Variants in DCHS1 observed in about 807,000 individuals in gnomAD.
DCHS1 encodes dachsous cadherin-related 1, also known as protocadherin-16.
Under a neutral mutation model 213.9 loss-of-function variants are expected in DCHS1, and 78 were observed. The observed-to-expected ratio is 0.36, with a 90% confidence interval of 0.30 to 0.44. The LOEUF is 0.44. DCHS1 is among the 20% of genes least tolerant of loss of function. The pLI is 1.00. For synonymous variants in DCHS1, 1,828 were observed against 1,873.7 expected, an observed-to-expected ratio of 0.98 and a Z score of 0.63; for missense variants, 3,946 against 4,395.9, an observed-to-expected ratio of 0.90 and a Z score of 2.89.
chr11:6,623,962 C>T lies in DCHS1; in HGVS notation c.7714G>A (p.Val2572Met). Residue 2572 changes from valine to methionine, a missense_variant, in exon 21 of 21, where the codon GTG (valine) becomes ATG (methionine). Val to Met is a conservative substitution (Grantham distance 21, BLOSUM62 1). Transcript: ENST00000299441. ...FESLTQYNLT[V>M]AAADRGQPPQ... ...GGCTGCCCACGGTCAGCTGCAGCCA[C>T]TGTTAGATTGTACTGTGTCAGGCTT... 6.2e-7 allele frequency: 1 copy of T among 1,609,258 alleles called. No individual in the cohort carries two copies. The highest frequency in any genetic ancestry group is 8.5e-7 in the Non-Finnish European group (1 of 1,176,318).
At position 6,632,226 on chromosome 11, in the gene DCHS1, G is replaced by A; in HGVS notation, c.3286C>T (p.Leu1096Phe). The A allele has an allele frequency of 1.2e-6, 2 of 1,613,312 alleles. No individual in the cohort carries two copies. The highest frequency in any genetic ancestry group is 1.7e-6 in the Non-Finnish European group (2 of 1,179,440). The change falls in exon 6 of 21, where the codon CTC becomes TTC. Residue 1096 changes from leucine to phenylalanine, a missense_variant. Coordinates refer to ENST00000299441, the MANE Select transcript of DCHS1 (RefSeq NM_003737.4). This position sits in a 1 kb window ranked among gnomAD's most constrained non-coding sequence, Gnocchi z 5.9. ...TGTATVRVSI[L>F]NQNEHSPRLS... Reference sequence around the variant, plus strand: ...CGGGGACTGTGTTCATTCTGGTTGAGGATGCTGACCCTCACGGTGGCTGTG... The same window carrying A: ...CGGGGACTGTGTTCATTCTGGTTGAAGATGCTGACCCTCACGGTGGCTGTG...
chr11:6,633,551 G>C lies in DCHS1; in HGVS notation c.2316C>G (p.Pro772=). The change falls in exon 5 of 21, where the codon CCC becomes CCG. Residue 772 remains proline, a synonymous_variant. Transcript: ENST00000299441. ...AEDGGGLQAE[P]SARVDISIVP... ...CAATGCTGATGTCCACTCGGGCACT[G>C]GGTTCTGCCTGTAGGCCACCTCCGT... The C allele has an allele frequency of 6.3e-7, 1 of 1,590,426 alleles. No homozygotes were observed. The highest frequency in any genetic ancestry group is 8.6e-7 in the Non-Finnish European group (1 of 1,168,274).
At position 6,630,356 on chromosome 11, in the gene DCHS1, C is replaced by G. The variant is rs1326191694; in HGVS notation, c.4438G>C (p.Glu1480Gln). 5 of 1,316,574 alleles carry G rather than the reference C, an allele frequency of 3.8e-6. No homozygotes were observed. The highest frequency in any genetic ancestry group is 4.8e-6 in the Non-Finnish European group (5 of 1,035,210). 81.6% of individuals were successfully genotyped at this position (1,316,574 alleles called of 1,614,324 possible). Residue 1480 changes from glutamate to glutamine, a missense_variant, in exon 10 of 21, where the codon GAG (glutamate) becomes CAG (glutamine). Physicochemically the swap from Glu to Gln is conservative, Grantham distance 29. This residue lies in a region of DCHS1 where 3,384 missense variants were observed against 3,780.1 expected (regional missense o/e 0.90). Transcript: ENST00000299441. ...SDVRYRLLRQ[E>Q]PPVPALRLDA... ...AGGCGAAGCGCCGGCACGGGCGGCT[C>G]CTGGCGCAGCAGGCGGTAGCGCACG...
chr11:6,623,105 G>C lies in DCHS1; in HGVS notation c.8571C>G (p.Pro2857=), dbSNP rs376395483. 8.1e-6 allele frequency: 13 copies of C among 1,603,958 alleles called. No individual in the cohort carries two copies. The highest frequency in any genetic ancestry group is 1.1e-5 in the Non-Finnish European group (13 of 1,175,188). Residue 2857 remains proline (P), a synonymous_variant, in exon 21 of 21, where the codon CCC becomes CCG. Transcript: ENST00000299441. ...LVLYSLATSS[P]YFGINQTTGA... is the part of the protein sequence containing the mutation. Reference sequence around the variant, plus strand: ...CTGTAGTCTGGTTAATACCAAAATAGGGGGAAGAGGTGGCAAGGGAATACA... The same window carrying C: ...CTGTAGTCTGGTTAATACCAAAATACGGGGAAGAGGTGGCAAGGGAATACA...
In DCHS1 at chr11:6,622,871, C is replaced by T; in HGVS notation, c.8805G>A (p.Leu2935=). 1 of 1,596,960 alleles carries T rather than the reference C, an allele frequency of 6.3e-7. No homozygotes were observed. The highest frequency in any genetic ancestry group is 2.3e-5 in the East Asian group (1 of 43,880). Residue 2935 remains leucine (L), a synonymous_variant, in exon 21 of 21, where the codon CTG becomes CTA. Coordinates refer to ENST00000299441, the MANE Select transcript of DCHS1 (RefSeq NM_003737.4). The surrounding 1 kb of genome is among the most constrained non-coding windows in gnomAD (Gnocchi z 5.4). ...TALGLAPDLN[L]LLVGAVAASL... is the part of the protein sequence containing the mutation. ...AGGCTGCCACGGCCCCTACTAATAG[C>T]AGGTTGAGGTCAGGTGCCAGGCCCA...
In DCHS1 at chr11:6,626,270, G is replaced by C. The variant is rs746640097; in HGVS notation, c.6475C>G (p.Leu2159Val). ...GGAFAFTVLT[L>V]TLQDANDNAP... is the part of the protein sequence containing the mutation. ...TTGTCGTTGGCATCTTGCAGGGTCA[G>C]GGTCAGCACAGTGAAGGCAAAGGCT... is the stretch of plus-strand genomic sequence containing the variant. The change falls in exon 16 of 21, where the codon CTG (leucine) becomes GTG (valine). Residue 2159 changes from leucine to valine, a missense_variant. By Grantham distance (32) the Leu-to-Val change is conservative (BLOSUM62 1). Around this residue, in one of 3 missense-constraint regions of DCHS1, gnomAD observed 3,384 missense variants for 3,780.1 expected, o/e 0.90. Transcript: ENST00000299441. This position sits in a 1 kb window ranked among gnomAD's most constrained non-coding sequence, Gnocchi z 5.2. 5 of 1,613,186 alleles carry C rather than the reference G, an allele frequency of 3.1e-6. No homozygotes were observed. Among genetic ancestry groups the C allele is most frequent in the South Asian group, 2.2e-5 (2 of 90,830 alleles).
intron 1 of DCHS1, among the ~76,000 whole-genome samples, chr11:6,650,218 G>C (rs1589964365): frequency 6.6e-6 from 1 of 152,140 alleles, no homozygotes; most frequent in African/African-American, 2.4e-5. Flanking sequence ...AGCTTAGAAA[G>C]AGAAAAAAAT....
chr11:6,641,703 G>A lies in DCHS1; in HGVS notation c.-90C>T. ...CTCAGACTTTGGGTCAGGTCCCACT[G>A]GGGCCCTGGCTCCAGCTCAGGCTCC... On this transcript the variant is annotated 5_prime_UTR_variant, in exon 2 of 21. Transcript: ENST00000299441. This position sits in a 1 kb window ranked among gnomAD's most constrained non-coding sequence, Gnocchi z 7.1. 6.9e-7 allele frequency: 1 copy of A among 1,451,872 alleles called. No homozygotes were observed. The highest frequency in any genetic ancestry group is 9.1e-7 in the Non-Finnish European group (1 of 1,102,088). The allele number at this position is 1,451,872 out of a possible 1,614,324, so 89.9% of individuals were successfully genotyped here. A position where few individuals can be genotyped will look rare whatever the true frequency, so the allele number is the denominator to read the frequency against.
At position 6,642,395 on chromosome 11, in the gene DCHS1, C is replaced by T. The variant is rs189809417; in HGVS notation, c.-120-662G>A. The stretch of plus-strand genomic sequence containing the variant: ...AGTATGGTAAGAGTTGTGAAGAAGG[C>T]GTACAAAGAGCAAGGAGGAATATAA... On this transcript the variant is annotated intron_variant, in intron 1 of 20. Transcript: ENST00000299441. Among the ~76,000 whole-genome samples, 277 of 152,172 alleles carry T rather than the reference C, an allele frequency of 1.8e-3. 2 individuals are homozygous for T. The highest frequency in any genetic ancestry group is 6.1e-3 in the African/African-American group (254 of 41,496).
rs1855841669 is a variant in DCHS1, at chr11:6,628,198, AC to A, written c.5371+422del. Among the ~76,000 whole-genome samples the A allele has an allele frequency of 1.3e-5, 2 of 152,362 alleles. No homozygotes were observed. The highest frequency in any genetic ancestry group is 4.1e-4 in the South Asian group (2 of 4,830). ...GAAATCTTAGTATTTCCTTGTGCTT[AC>A]ACAGAAATACTGGCAAGCTGTATAC... On this transcript the variant is annotated intron_variant, in intron 13 of 20. Coordinates refer to ENST00000299441, the MANE Select transcript of DCHS1 (RefSeq NM_003737.4). This position sits in a 1 kb window ranked among gnomAD's most constrained non-coding sequence, Gnocchi z 4.3.
intron 1 of DCHS1, among the ~76,000 whole-genome samples, chr11:6,648,849 T>G (rs1236192571): frequency 6.6e-6 from 1 of 152,210 alleles, no homozygotes; most frequent in Admixed American, 6.5e-5. Flanking sequence ...TATAAGTATG[T>G]GAGCATGAGA....
At position 6,625,283 on chromosome 11, in the gene DCHS1, C is replaced by T; in HGVS notation, c.7061G>A (p.Gly2354Glu). 6.2e-7 allele frequency: 1 copy of T among 1,613,812 alleles called. No homozygotes were observed. Among genetic ancestry groups the T allele is most frequent in the Non-Finnish European group, 8.5e-7 (1 of 1,179,868 alleles). ...GAGGTTGGCACGGCCCTCATGAGGC[C>T]CATCATGTGCCAGCAGCTGCAGCTG... The part of the protein sequence containing the change: ...RYQLQLLAHD[G>E]PHEGRANLTV... Residue 2354 changes from glycine to glutamate, a missense_variant, in exon 19 of 21, where the codon GGG becomes GAG. Gly to Glu is a moderately conservative substitution (Grantham distance 98). Coordinates refer to ENST00000299441, the MANE Select transcript of DCHS1 (RefSeq NM_003737.4). This position sits in a 1 kb window ranked among gnomAD's most constrained non-coding sequence, Gnocchi z 5.3.
chr11:6,641,707 C>A lies in DCHS1; in HGVS notation c.-94G>T. 1.4e-6 allele frequency: 2 copies of A among 1,449,068 alleles called. No homozygotes were observed. Among genetic ancestry groups the A allele is most frequent in the Non-Finnish European group, 1.8e-6 (2 of 1,101,018 alleles). 89.8% of individuals were successfully genotyped at this position (1,449,068 alleles called of 1,614,324 possible). A position where few individuals can be genotyped will look rare whatever the true frequency, so the allele number is the denominator to read the frequency against. ...GACTTTGGGTCAGGTCCCACTGGGG[C>A]CCTGGCTCCAGCTCAGGCTCCCTGA... On this transcript the variant is annotated 5_prime_UTR_variant, in exon 2 of 21. Coordinates refer to ENST00000299441, the MANE Select transcript of DCHS1 (RefSeq NM_003737.4). This position sits in a 1 kb window ranked among gnomAD's most constrained non-coding sequence, Gnocchi z 7.1.
In DCHS1 at chr11:6,630,192, G is replaced by A. The variant is rs763220639; in HGVS notation, c.4602C>T (p.Val1534=). 5 of 1,586,076 alleles carry A rather than the reference G, an allele frequency of 3.2e-6. No individual in the cohort carries two copies. Among genetic ancestry groups the A allele is most frequent in the Non-Finnish European group, 4.3e-6 (5 of 1,167,016 alleles). The change falls in exon 10 of 21, where the codon GTC becomes GTT. Residue 1534 remains valine, a synonymous_variant. Transcript: ENST00000299441. The stretch of plus-strand genomic sequence containing the variant: ...CGTTGTCATTCTCATCCGTGACGAA[G>A]ACGCGCGCTGAAACGCGCGCTGCAC... ...RRRAARVSAR[V]FVTDENDNAP...
At chr11:6,633,688 T>TA in intron 4 of DCHS1, 40 bp from the exon 5 acceptor site, 1 of 1,609,328 alleles carries the variant, frequency 6.2e-7, no homozygotes, top group Non-Finnish European at 8.5e-7. Flanking sequence ...TAAGGAAACA[T>TA]AATAGGGCTA....
intron 2 of DCHS1, among the ~76,000 whole-genome samples, chr11:6,638,497 C>T (rs879438584): frequency 3.3e-5 from 5 of 152,242 alleles, no homozygotes; most frequent in Admixed American, 6.5e-5. Context: ...ATACAGTCTC[C>T]TGAACACGTC....
Position 6,632,983 on chromosome 11 carries a change from T to C in DCHS1, c.2529A>G (p.Ser843=), listed in dbSNP as rs1167929261. Residue 843 remains serine, a synonymous_variant, in exon 6 of 21, where the codon TCA becomes TCG. Transcript: ENST00000299441. This position sits in a 1 kb window ranked among gnomAD's most constrained non-coding sequence, Gnocchi z 5.9. ...GAGGGCGAAGTGTTTGCAACAGTCC[T>C]GATACCGCATCTAGGGAGAAGAGTC... ...PRGLFSLDAV[S]GLLQTLRPLD... is the part of the protein sequence containing the mutation. The C allele has an allele frequency of 6.2e-7, 1 of 1,613,902 alleles. No homozygotes were observed. The highest frequency in any genetic ancestry group is 1.3e-5 in the African/African-American group (1 of 75,024).
intron 1 of DCHS1, among the ~76,000 whole-genome samples, chr11:6,645,706 TCAAC>T (rs1456036762): frequency 6.6e-6 from 1 of 152,126 alleles, no homozygotes; most frequent in East Asian, 1.9e-4. Context: ...ACTCCTTCTC[TCAAC>T]CTGTGCTCCT....
chr11:6,624,149 A>C lies in DCHS1; in HGVS notation c.7527T>G (p.Ala2509=). The change falls in exon 21 of 21, where the codon GCT becomes GCG. Residue 2509 remains alanine (A), a synonymous_variant. Coordinates refer to ENST00000299441, the MANE Select transcript of DCHS1 (RefSeq NM_003737.4). ...CAGCGGCATGGCTGCGGCTTCCATC[A>C]GCATCTGTAGCCTCCAGGGTGAGCA... ...STLLTLEATD[A]DGSRSHAAVD... 1 of 1,612,336 alleles carries C rather than the reference A, an allele frequency of 6.2e-7. No homozygotes were observed. The highest frequency in any genetic ancestry group is 8.5e-7 in the Non-Finnish European group (1 of 1,179,350).
Sources: gnomAD v4.1 joint callset for allele counts (sites outside exome capture counted in the v4.1 genomes callset) on GRCh38, gnomAD v4.1.1 for gene constraint, gnomAD v4.1.1 regional missense constraint, Gnocchi (gnomAD v3.1) non-coding constraint, MANE v1.5 for transcripts, NCBI Gene and HGNC (gene_info 2026-07-23, HGNC 2026-07-21) for gene names.